The following CCSER1 variants were observed in gnomAD, a reference collection of about 807,000 sequenced individuals.
CCSER1 encodes the protein serine-rich coiled-coil domain-containing protein 1.
CCSER1 carries 41 observed loss-of-function variants against 82.0 expected under a neutral mutation model. The observed-to-expected ratio is 0.50, with a 90% CI of 0.39 to 0.65. CCSER1 has a LOEUF of 0.65. Among genes scored for constraint, CCSER1 ranks in the 30% least tolerant of loss-of-function variants. The probability of loss-of-function intolerance (pLI) is 0.00; values close to 1 mark genes in which losing one functional copy is unlikely to be tolerated. For synonymous variants in CCSER1, 414 were observed against 383.9 expected, an observed-to-expected ratio of 1.08 and a Z score of -0.92; for missense variants, 1,119 against 1,064.2, an observed-to-expected ratio of 1.05 and a Z score of -0.72.
chr4:90,383,556 C>T (rs1463461434), intron 3 of CCSER1, among the ~76,000 whole-genome samples: 1 of 152,094 alleles, frequency 6.6e-6, no homozygotes, highest in African/African-American at 2.4e-5. Context: ...AAAGAAATGG[C>T]TCTTAGTATT....
chr4:91,166,672 A>G (rs1732115841), intron 10 of CCSER1, among the ~76,000 whole-genome samples: 1 of 152,172 alleles, frequency 6.6e-6, no homozygotes, highest in South Asian at 2.1e-4. Context: ...GTGGCAAGTC[A>G]TTAGTAGTAT....
At chr4:90,433,161 C>T (rs1758537997) in intron 4 of CCSER1, among the ~76,000 whole-genome samples, 1 of 152,144 alleles carries the variant, frequency 6.6e-6, no homozygotes, top group Non-Finnish European at 1.5e-5. Flanking sequence ...GCCTCTGAAA[C>T]ATGTCCCAAA....
intron 1 of CCSER1, among the ~76,000 whole-genome samples, chr4:90,256,239 G>A (rs1019343298): frequency 6.6e-6 from 1 of 152,084 alleles, no homozygotes; most frequent in Non-Finnish European, 1.5e-5. Context: ...CAGTCTTTGT[G>A]ACCTGACTCA....
At chr4:91,130,236 C>T (rs1477371892) in intron 10 of CCSER1, among the ~76,000 whole-genome samples, 1 of 151,664 alleles carries the variant, frequency 6.6e-6, no homozygotes, top group Non-Finnish European at 1.5e-5. Context: ...CTCTAAATGA[C>T]TTATTTTTAT....
intron 6 of CCSER1, among the ~76,000 whole-genome samples, chr4:90,662,448 T>A (rs1284362033): frequency 2.0e-5 from 3 of 152,174 alleles, no homozygotes; most frequent in Non-Finnish European, 4.4e-5. Flanking sequence ...CATCTTTTTT[T>A]ACTCACTATG....
intron 9 of CCSER1, among the ~76,000 whole-genome samples, chr4:91,034,111 A>AT (rs1326745263): frequency 6.6e-6 from 1 of 152,184 alleles, no homozygotes; most frequent in African/African-American, 2.4e-5. Context: ...TGTCTCAATC[A>AT]TTTTAGGATC....
intron 10 of CCSER1, among the ~76,000 whole-genome samples, chr4:91,463,208 G>A (rs904011788): frequency 1.3e-5 from 2 of 152,136 alleles, no homozygotes; most frequent in African/African-American, 2.4e-5. Flanking sequence ...AGCAATAATC[G>A]CTGTTCTGCA....
rs144576964 is a variant in CCSER1, at chr4:91,353,267, T to C, written c.2218-245305T>C. Among the ~76,000 whole-genome samples the C allele has an allele frequency of 4.6e-4, 70 of 151,550 alleles. No homozygotes were observed. The East Asian group carries it at 0.014, about 30-fold the overall frequency. On this transcript the variant is annotated intron_variant, in intron 10 of 10. Coordinates refer to ENST00000509176, the MANE Select transcript of CCSER1 (RefSeq NM_001145065.2). ...TGTCCCTTTTAAGGGCTCACAACAC[T>C]AAAGATTTCACATGAAAGGGTCGTG...
At chr4:91,320,557 T>C (rs1375349873) in intron 10 of CCSER1, among the ~76,000 whole-genome samples, 5 of 152,114 alleles carry the variant, frequency 3.3e-5, no homozygotes, top group Non-Finnish European at 7.4e-5. Flanking sequence ...CTGTTGGTTC[T>C]TAAACTTGAG....
chr4:90,828,728 T>C (rs1444723759), intron 8 of CCSER1, among the ~76,000 whole-genome samples: 2 of 152,184 alleles, frequency 1.3e-5, no homozygotes, highest in Admixed American at 1.3e-4. Flanking sequence ...ATTGGTGGGC[T>C]CCTTAATGAT....
intron 6 of CCSER1, chr4:90,649,452 G>A (rs762024663): frequency 4.6e-5 from 7 of 152,114 alleles, no homozygotes; most frequent in Non-Finnish European, 1.0e-4. Flanking sequence ...TCACAATCGT[G>A]GGGCCCTGAA....
chr4:91,164,742 T>A (rs1731843972), intron 10 of CCSER1, among the ~76,000 whole-genome samples: 2 of 152,234 alleles, frequency 1.3e-5, no homozygotes, highest in African/African-American at 4.8e-5. Context: ...AGGTTGTGCA[T>A]GCATCATGTA....
At chr4:90,916,067 A>G (rs577142288) in intron 8 of CCSER1, among the ~76,000 whole-genome samples, 29 of 152,300 alleles carry the variant, frequency 1.9e-4, no homozygotes, top group Admixed American at 1.6e-3. Flanking sequence ...AAGAATCAAT[A>G]TCATGAAAAT....
intron 10 of CCSER1, among the ~76,000 whole-genome samples, chr4:91,320,193 A>G (rs911181695): frequency 4.6e-5 from 7 of 152,044 alleles, no homozygotes; most frequent in African/African-American, 1.7e-4. Flanking sequence ...AAGTGCTTCA[A>G]ATGAAAAGGT....
chr4:90,580,563 C>T (rs778979424), intron 5 of CCSER1, among the ~76,000 whole-genome samples: 4 of 152,158 alleles, frequency 2.6e-5, no homozygotes, highest in Non-Finnish European at 5.9e-5. Flanking sequence ...GGCCTCAGAC[C>T]TATAGAAATA....
At chr4:90,228,362 G>C (rs933841677) in intron 1 of CCSER1, among the ~76,000 whole-genome samples, 6 of 152,164 alleles carry the variant, frequency 3.9e-5, no homozygotes, top group African/African-American at 7.2e-5. Context: ...AGCAGGGGCA[G>C]ACTGACACCT....
At chr4:91,183,398 C>T (rs558303468) in intron 10 of CCSER1, among the ~76,000 whole-genome samples, 1 of 152,108 alleles carries the variant, frequency 6.6e-6, no homozygotes, top group African/African-American at 2.4e-5. Flanking sequence ...ATTTTCAGCA[C>T]CTTCAATTGG....
chr4:90,749,584 G>T (rs1362272221), intron 7 of CCSER1, among the ~76,000 whole-genome samples: 2 of 152,134 alleles, frequency 1.3e-5, no homozygotes, highest in East Asian at 3.9e-4. Context: ...CAAAGTCATT[G>T]GTAGCTTGAT....
chr4:90,344,018 C>G (rs1286557352), intron 3 of CCSER1, among the ~76,000 whole-genome samples: 1 of 152,108 alleles, frequency 6.6e-6, no homozygotes, highest in African/African-American at 2.4e-5. Context: ...ATTAACCATC[C>G]TGACTCCCCT....
Sources: allele counts gnomAD v4.1 joint callset (sites outside exome capture counted in the v4.1 genomes callset), GRCh38; gene constraint gnomAD v4.1.1; transcripts MANE v1.5; gene names NCBI Gene and HGNC (gene_info 2026-07-23, HGNC 2026-07-21).